Variants in CRAMP1 observed in about 807,000 individuals in gnomAD.
The protein encoded by CRAMP1 is protein cramped-like.
A neutral mutation model predicts 115.4 loss-of-function variants in CRAMP1; 50 were observed. The observed-to-expected ratio is 0.43, with a 90% CI of 0.35 to 0.55. The LOEUF is 0.55. CRAMP1 is among the 20% of genes least tolerant of loss of function. The pLI is 0.01. For missense variants in CRAMP1, 1,679 were observed against 1,721.7 expected (o/e 0.98, Z 0.44); for synonymous variants, 866 against 745.4 (o/e 1.16, Z -2.64).
At chr16:1,637,566 C>A (rs1162530476) in intron 4 of CRAMP1, among the ~76,000 whole-genome samples, 1 of 152,256 alleles carries the variant, frequency 6.6e-6, no homozygotes, top group Non-Finnish European at 1.5e-5. Flanking sequence ...GTGTTTTCTC[C>A]TCCAGGGGAC....
At chr16:1,632,735 C>T (rs1476423399) in intron 4 of CRAMP1, among the ~76,000 whole-genome samples, 2 of 152,244 alleles carry the variant, frequency 1.3e-5, no homozygotes, top group South Asian at 2.1e-4. Context: ...CCGCAGGCAC[C>T]GTGCCTGGCG....
chr16:1,638,900 C>T (rs1273369796), intron 5 of CRAMP1, among the ~76,000 whole-genome samples: 1 of 151,980 alleles, frequency 6.6e-6, no homozygotes, highest in Non-Finnish European at 1.5e-5. Context: ...CCCTCCTGCA[C>T]TTCCCCACTG....
rs1271511015 is a variant in CRAMP1, at chr16:1,671,479, G to T, written c.3645+670G>T. On this transcript the variant is annotated intron_variant, in intron 20 of 20. Coordinates refer to ENST00000397412, the MANE Select transcript of CRAMP1 (RefSeq NM_020825.4). The surrounding 1 kb of genome is among the most constrained non-coding windows in gnomAD (Gnocchi z 5.0). Reference sequence around the variant, plus strand: ...CCACCACATGGTTTGTGTGGCATTCGTGGGCAGGTCAGGCTTGCAGGGTGA... The same window carrying T: ...CCACCACATGGTTTGTGTGGCATTCTTGGGCAGGTCAGGCTTGCAGGGTGA... 6.6e-6 allele frequency among the ~76,000 whole-genome samples: 1 copy of T among 152,200 alleles called. No homozygotes were observed. Among genetic ancestry groups the T allele is most frequent in the Non-Finnish European group, 1.5e-5 (1 of 68,034 alleles).
At chr16:1,635,426 G>A (rs773663699) in intron 4 of CRAMP1, among the ~76,000 whole-genome samples, 191 of 152,284 alleles carry the variant, frequency 1.3e-3, no homozygotes, top group African/African-American at 4.5e-3. Context: ...TTTGCTTCAC[G>A]AACTCAAAGT....
chr16:1,613,793 G>A (rs1183158983), intron 1 of CRAMP1, among the ~76,000 whole-genome samples: 1 of 152,150 alleles, frequency 6.6e-6, no homozygotes, highest in Non-Finnish European at 1.5e-5. Flanking sequence ...TCACTTTCCC[G>A]GGTGGTTCCA....
chr16:1,655,675 T>C (rs1013507741), intron 9 of CRAMP1, among the ~76,000 whole-genome samples: 14 of 152,194 alleles, frequency 9.2e-5, no homozygotes, highest in African/African-American at 3.4e-4. Flanking sequence ...GCGTGGTGCG[T>C]GTCAGGTGTG....
chr16:1,660,767 G>T (rs1463257348), intron 11 of CRAMP1, among the ~76,000 whole-genome samples: 1 of 152,212 alleles, frequency 6.6e-6, no homozygotes. Flanking sequence ...AGCACTTTGG[G>T]AGGCCAAGGC....
At chr16:1,653,842 C>T (rs1211184347) in intron 8 of CRAMP1, among the ~76,000 whole-genome samples, 1 of 135,058 alleles carries the variant, frequency 7.4e-6, no homozygotes, top group Admixed American at 7.5e-5. Flanking sequence ...AAAAAACAAA[C>T]AAAAAAGAAA....
At chr16:1,670,393 A>G in intron 19 of CRAMP1, 2 of 320,906 alleles carry the variant, frequency 6.2e-6, no homozygotes, top group South Asian at 4.3e-5. Flanking sequence ...AGGGTGGGAG[A>G]CCGTGATGGG....
intron 6 of CRAMP1, among the ~76,000 whole-genome samples, chr16:1,648,740 T>G (rs2036697458): frequency 6.6e-6 from 1 of 152,060 alleles, no homozygotes; most frequent in South Asian, 2.1e-4. Context: ...ATCTGTGTAT[T>G]TCAGCTGGGT....
chr16:1,644,266 G>A (rs1173061548), intron 6 of CRAMP1, among the ~76,000 whole-genome samples: 1 of 152,224 alleles, frequency 6.6e-6, no homozygotes, highest in Non-Finnish European at 1.5e-5. Flanking sequence ...CGGAGAAAAG[G>A]TTTGGAACAG....
chr16:1,615,506 T>C (rs981556833), intron 2 of CRAMP1, among the ~76,000 whole-genome samples: 3 of 152,098 alleles, frequency 2.0e-5, no homozygotes, highest in African/African-American at 7.2e-5. Flanking sequence ...AGGAAGGGCA[T>C]AGAGATGGGG....
At chr16:1,634,181 C>T (rs576066857) in intron 4 of CRAMP1, among the ~76,000 whole-genome samples, 5 of 152,140 alleles carry the variant, frequency 3.3e-5, no homozygotes, top group Non-Finnish European at 7.3e-5. Flanking sequence ...GATGGGATTC[C>T]AGGAGCTTCG....
rs190205862 is a variant in CRAMP1, at chr16:1,617,976, A to T, written c.346+2991A>T. ...AACCTAAACTCAAGGTAAGCTGCAG[A>T]CCAGAAATCCCAAAACAGACATTCC... is the stretch of plus-strand genomic sequence containing the variant. On this transcript the variant is annotated intron_variant, in intron 2 of 20. Coordinates refer to ENST00000397412, the MANE Select transcript of CRAMP1 (RefSeq NM_020825.4). Among the ~76,000 whole-genome samples, 421 of 152,294 alleles carry T rather than the reference A, an allele frequency of 2.8e-3. 2 individuals carry two copies. The highest frequency in any genetic ancestry group is 9.0e-3 in the African/African-American group (374 of 41,548).
intron 6 of CRAMP1, among the ~76,000 whole-genome samples, chr16:1,649,122 A>T (rs1362222863): frequency 6.6e-6 from 1 of 152,076 alleles, no homozygotes; most frequent in Non-Finnish European, 1.5e-5. Context: ...ATCCTCTCTA[A>T]ATTATCCCTC....
intron 5 of CRAMP1, among the ~76,000 whole-genome samples, chr16:1,640,650 G>A (rs1407750002): frequency 6.6e-6 from 1 of 152,194 alleles, no homozygotes; most frequent in Non-Finnish European, 1.5e-5. Context: ...AAACTCAGAG[G>A]GTGTCGGAGT....
At chr16:1,663,690 C>A (rs1051134550) in intron 13 of CRAMP1, among the ~76,000 whole-genome samples, 1 of 152,156 alleles carries the variant, frequency 6.6e-6, no homozygotes, top group Non-Finnish European at 1.5e-5. Flanking sequence ...CAGAACGTTA[C>A]CACCCAGAAA....
At chr16:1,628,947 C>T (rs751170694) in intron 3 of CRAMP1, among the ~76,000 whole-genome samples, 2 of 152,186 alleles carry the variant, frequency 1.3e-5, no homozygotes, top group South Asian at 2.1e-4. Flanking sequence ...GATTCGCGCC[C>T]GTCCAGTTAT....
At chr16:1,615,108 C>T (rs1034044494) in intron 2 of CRAMP1, 123 bp downstream of exon 2, 6 of 496,472 alleles carry the variant, frequency 1.2e-5, no homozygotes, top group Admixed American at 4.4e-5. Context: ...TACACTGAGG[C>T]TCTCAATTTG....
Sources: gnomAD v4.1 joint callset for allele counts (sites outside exome capture counted in the v4.1 genomes callset) on GRCh38, gnomAD v4.1.1 for gene constraint, Gnocchi (gnomAD v3.1) non-coding constraint, MANE v1.5 for transcripts, NCBI Gene and HGNC (gene_info 2026-07-23, HGNC 2026-07-21) for gene names.